Variants in RBFOX1 observed in about 807,000 individuals in gnomAD.
The protein encoded by RBFOX1 is RNA binding fox-1 homolog 1.
In RBFOX1, 8 loss-of-function variants were observed where a neutral mutation model predicts 57.7. The observed-to-expected ratio is 0.14, with a 90% confidence interval of 0.08 to 0.25. The LOEUF is 0.25. Ranked by LOEUF, RBFOX1 falls within the 10% of genes least tolerant of loss-of-function variation. The pLI is 1.00. For missense variants in RBFOX1, 611 were observed against 548.5 expected (o/e 1.11, Z -1.14); for synonymous variants, 326 against 222.4 (o/e 1.47, Z -4.15).
intron 4 of RBFOX1, among the ~76,000 whole-genome samples, chr16:7,509,840 C>T (rs2074509721): frequency 6.6e-6 from 1 of 152,170 alleles, no homozygotes; most frequent in African/African-American, 2.4e-5. Context: ...AGCAAGCTCC[C>T]TGCTGGATTT....
intron 3 of RBFOX1, among the ~76,000 whole-genome samples, chr16:5,864,506 G>A (rs148298070): frequency 1.2e-3 from 186 of 148,872 alleles, no homozygotes; most frequent in African/African-American, 4.3e-3. Context: ...CATCTATTGT[G>A]TGTGTGGTGA....
intron 4 of RBFOX1, among the ~76,000 whole-genome samples, chr16:7,196,370 C>A (rs1403322062): frequency 1.3e-5 from 2 of 152,164 alleles, no homozygotes; most frequent in East Asian, 1.9e-4. Context: ...TTCACTCCCC[C>A]TCTCCCCAGC....
chr16:6,483,957 GCT>G, intron 2 of RBFOX1: 1 of 1,044,962 alleles, frequency 9.6e-7, no homozygotes. Context: ...CGGAGACTGT[GCT>G]CAGGGCTCGC....
chr16:6,139,758 T>C (rs933566149), intron 1 of RBFOX1, among the ~76,000 whole-genome samples: 5 of 152,240 alleles, frequency 3.3e-5, no homozygotes, highest in African/African-American at 1.2e-4. Flanking sequence ...TTTCTTGATT[T>C]CTCCTTATGT....
At chr16:6,824,460 C>G (rs866001187) in intron 3 of RBFOX1, among the ~76,000 whole-genome samples, 2 of 152,140 alleles carry the variant, frequency 1.3e-5, no homozygotes, top group South Asian at 2.1e-4. Flanking sequence ...TGTTCTATTG[C>G]TTTAAATAGA....
intron 4 of RBFOX1, among the ~76,000 whole-genome samples, chr16:7,247,337 G>C (rs1243599167): frequency 6.6e-6 from 1 of 152,084 alleles, no homozygotes; most frequent in African/African-American, 2.4e-5. Flanking sequence ...GCAGTGGAGG[G>C]GACACTCACA....
chr16:5,754,651 C>G (rs1319935240), intron 3 of RBFOX1, among the ~76,000 whole-genome samples: 1 of 114,530 alleles, frequency 8.7e-6, no homozygotes, highest in African/African-American at 3.5e-5. Context: ...AACACGTGAA[C>G]AAAGGTCTTG....
chr16:6,575,055 A>G (rs1344964149), intron 2 of RBFOX1, among the ~76,000 whole-genome samples: 1 of 151,812 alleles, frequency 6.6e-6, no homozygotes, highest in South Asian at 2.1e-4. Flanking sequence ...AAAAAAAAAA[A>G]AAAAAAACAG....
At chr16:7,352,234 G>A (rs1037023230) in intron 4 of RBFOX1, among the ~76,000 whole-genome samples, 2 of 152,168 alleles carry the variant, frequency 1.3e-5, no homozygotes, top group Non-Finnish European at 2.9e-5. Context: ...TTTCCCAAGA[G>A]GTGAACTGGA....
intron 3 of RBFOX1, among the ~76,000 whole-genome samples, chr16:6,763,436 C>G (rs1202838236): frequency 6.6e-6 from 1 of 152,144 alleles, no homozygotes; most frequent in Admixed American, 6.5e-5. Flanking sequence ...TCTTCATGGG[C>G]CTGTACACCT....
intron 1 of RBFOX1, among the ~76,000 whole-genome samples, chr16:5,296,563 A>G (rs1038290979): frequency 2.0e-5 from 3 of 146,448 alleles, no homozygotes; most frequent in Non-Finnish European, 4.4e-5. Flanking sequence ...TTTAATTAAA[A>G]AAAAAAAAAT....
At chr16:5,759,290 C>T (rs1308810952) in intron 3 of RBFOX1, among the ~76,000 whole-genome samples, 2 of 152,192 alleles carry the variant, frequency 1.3e-5, no homozygotes, top group African/African-American at 4.8e-5. Flanking sequence ...TCTGGGTACA[C>T]ATGCTGTTTG....
chr16:5,821,307 T>A lies in RBFOX1; in HGVS notation c.319-45996T>A, dbSNP rs557313914. Reference sequence around the variant, plus strand: ...TTCTCTCTTTTTTTATTTTTTTTTTTTTTTTTGAGACGGAGTCTTGCTGTG... The same window carrying A: ...TTCTCTCTTTTTTTATTTTTTTTTTATTTTTTGAGACGGAGTCTTGCTGTG... On this transcript the variant is annotated intron_variant, in intron 3 of 19. Coordinates refer to the RBFOX1 transcript ENST00000641259. Among the ~76,000 whole-genome samples the A allele has an allele frequency of 6.1e-5, 9 of 148,304 alleles. No homozygotes were observed. The South Asian group carries it at 8.9e-4, about 15-fold the overall frequency.
chr16:5,997,245 G>A (rs966786349), intron 4 of RBFOX1, among the ~76,000 whole-genome samples: 1 of 152,234 alleles, frequency 6.6e-6, no homozygotes, highest in African/African-American at 2.4e-5. Context: ...CTGGGGCACA[G>A]AACAGAATGA....
intron 4 of RBFOX1, among the ~76,000 whole-genome samples, chr16:5,956,644 ATATATATATATATT>A (rs1185327751): frequency 8.6e-4 from 91 of 105,218 alleles, no homozygotes; most frequent in African/African-American, 3.1e-3. Flanking sequence ...AAACAAATAT[ATATATATATATATT>A]TATATATATA....
chr16:5,338,020 G>A (rs189548085), intron 1 of RBFOX1, among the ~76,000 whole-genome samples: 1 of 152,322 alleles, frequency 6.6e-6, no homozygotes, highest in African/African-American at 2.4e-5. Flanking sequence ...CTGCAGCCTG[G>A]ACAACAAAGT....
intron 3 of RBFOX1, among the ~76,000 whole-genome samples, chr16:5,646,696 G>C (rs184914778): frequency 6.6e-6 from 1 of 152,084 alleles, no homozygotes; most frequent in African/African-American, 2.4e-5. Flanking sequence ...GTGCTTTGGC[G>C]TGATCTCTGC....
chr16:7,477,113 T>C (rs1265195394), intron 4 of RBFOX1, among the ~76,000 whole-genome samples: 1 of 152,184 alleles, frequency 6.6e-6, no homozygotes, highest in East Asian at 1.9e-4. Flanking sequence ...TTTTTCTCAC[T>C]ACTTTTTGTT....
intron 3 of RBFOX1, among the ~76,000 whole-genome samples, chr16:7,001,528 C>T (rs568355784): frequency 2.6e-5 from 4 of 152,180 alleles, no homozygotes; most frequent in South Asian, 4.2e-4. Flanking sequence ...ATGATCTCAA[C>T]TCGTTGCAAC....
Sources: allele counts gnomAD v4.1 joint callset (sites outside exome capture counted in the v4.1 genomes callset), GRCh38; gene constraint gnomAD v4.1.1; transcripts MANE v1.5; gene names NCBI Gene and HGNC (gene_info 2026-07-23, HGNC 2026-07-21).